NCAM2: variants seen among roughly 807,000 people sequenced by gnomAD.
The protein encoded by NCAM2 is neural cell adhesion molecule 2, also known as N-CAM-2.
NCAM2 carries 30 observed loss-of-function variants against 98.1 expected under a neutral mutation model. That is an observed-to-expected ratio of 0.31 (90% CI 0.23 to 0.41). The LOEUF (loss-of-function observed/expected upper bound fraction) is 0.41, where lower values mean the gene tolerates loss of function less well. Among genes scored for constraint, NCAM2 ranks in the 10% least tolerant of loss-of-function variants. The pLI is 1.00. For synonymous variants in NCAM2, 368 were observed against 342.4 expected, an observed-to-expected ratio of 1.07 and a Z score of -0.83; for missense variants, 867 against 1,005.8, an observed-to-expected ratio of 0.86 and a Z score of 1.87.
chr21:21,500,021 G>T (rs2041443376), intron 15 of NCAM2, among the ~76,000 whole-genome samples: 2 of 151,916 alleles, frequency 1.3e-5, no homozygotes, highest in Admixed American at 1.3e-4. Context: ...AATACTACCT[G>T]TTTATAATTT....
intron 1 of NCAM2, among the ~76,000 whole-genome samples, chr21:21,202,300 A>G (rs1198275609): frequency 6.6e-6 from 1 of 152,148 alleles, no homozygotes; most frequent in Non-Finnish European, 1.5e-5. Context: ...AAGAAATGTA[A>G]AGCACCTAAA....
intron 5 of NCAM2, among the ~76,000 whole-genome samples, chr21:21,299,561 TTC>T (rs904415551): frequency 1.1e-4 from 16 of 150,180 alleles, no homozygotes; most frequent in Non-Finnish European, 1.3e-4. Context: ...TAAAATGTGA[TTC>T]TCTCTCTCTC....
intron 12 of NCAM2, among the ~76,000 whole-genome samples, chr21:21,446,499 C>A (rs191445263): frequency 6.6e-6 from 1 of 151,970 alleles, no homozygotes; most frequent in Admixed American, 6.6e-5. Flanking sequence ...TTTACGTAGT[C>A]CCATATTCTG....
chr21:21,258,595 A>G (rs1368595451), intron 1 of NCAM2, among the ~76,000 whole-genome samples: 1 of 152,150 alleles, frequency 6.6e-6, no homozygotes, highest in African/African-American at 2.4e-5. Flanking sequence ...AAACACTGTC[A>G]GTGGCAGTAT....
At chr21:21,044,088 G>A (rs9979797) in intron 1 of NCAM2, among the ~76,000 whole-genome samples, 1,649 of 152,068 alleles carry the variant, frequency 0.011, 36 homozygotes, top group African/African-American at 0.037. Flanking sequence ...AATGAGAGCA[G>A]TTACTGCAAA....
At chr21:21,505,972 T>A (rs2146346984) in intron 15 of NCAM2, among the ~76,000 whole-genome samples, 1 of 152,032 alleles carries the variant, frequency 6.6e-6, no homozygotes, top group East Asian at 1.9e-4. Context: ...CCCCAAAAGC[T>A]AATGATGGTA....
In NCAM2 at chr21:21,202,408, C is replaced by CTTTTT. The variant is rs11385750; in HGVS notation, c.56-78151_56-78147dup. Among the ~76,000 whole-genome samples the CTTTTT allele has an allele frequency of 1.0e-3, 84 of 80,212 alleles. 5 individuals are homozygous for CTTTTT. Among genetic ancestry groups the CTTTTT allele is most frequent in the Non-Finnish European group, 1.3e-3 (63 of 46,912 alleles). The allele number at this position is 80,212 out of a possible 152,430, so 52.6% of individuals were successfully genotyped here. A position where few individuals can be genotyped will look rare whatever the true frequency, so the allele number is the denominator to read the frequency against. On this transcript the variant is annotated intron_variant, in intron 1 of 17. Coordinates refer to ENST00000400546, the MANE Select transcript of NCAM2 (RefSeq NM_004540.5). ...ATGCCTTGAATATAAAGCAAATATCCTTTTTTTTTTTTTTTTTTTTTTTCT... is the reference window on the plus strand; with the variant it reads ...ATGCCTTGAATATAAAGCAAATATCCTTTTTTTTTTTTTTTTTTTTTTTTTTTTCT...
At chr21:21,050,042 A>G (rs961497898) in intron 1 of NCAM2, among the ~76,000 whole-genome samples, 16 of 152,096 alleles carry the variant, frequency 1.1e-4, no homozygotes, top group African/African-American at 3.9e-4. Flanking sequence ...TATGCATCAG[A>G]TCAGGTGACT....
At chr21:21,409,236 A>T (rs1323629712) in intron 9 of NCAM2, among the ~76,000 whole-genome samples, 2 of 152,160 alleles carry the variant, frequency 1.3e-5, no homozygotes, top group Non-Finnish European at 2.9e-5. Flanking sequence ...GGGTGGAGGA[A>T]GAGTGAAAAC....
chr21:21,212,965 C>T (rs1353197208), intron 1 of NCAM2, among the ~76,000 whole-genome samples: 1 of 152,024 alleles, frequency 6.6e-6, no homozygotes. Flanking sequence ...TGGTCTCGAT[C>T]TCCTGACCTC....
At chr21:21,443,190 A>C (rs984232627) in intron 12 of NCAM2, among the ~76,000 whole-genome samples, 3 of 152,158 alleles carry the variant, frequency 2.0e-5, no homozygotes, top group African/African-American at 7.2e-5. Flanking sequence ...AAAACCAAAC[A>C]TTGCATGTTC....
At chr21:21,247,267 C>T (rs1293786006) in intron 1 of NCAM2, among the ~76,000 whole-genome samples, 4 of 152,004 alleles carry the variant, frequency 2.6e-5, no homozygotes, top group African/African-American at 7.2e-5. Flanking sequence ...TGCAGTGAGT[C>T]GAGATCTCGC....
intron 1 of NCAM2, among the ~76,000 whole-genome samples, chr21:21,242,757 A>T (rs1438572019): frequency 1.3e-5 from 2 of 152,166 alleles, no homozygotes; most frequent in Non-Finnish European, 2.9e-5. Flanking sequence ...GTTTGTTTCC[A>T]TATCTTAACT....
intron 1 of NCAM2, among the ~76,000 whole-genome samples, chr21:21,121,832 G>T (rs2066681807): frequency 6.6e-6 from 1 of 152,204 alleles, no homozygotes; most frequent in Non-Finnish European, 1.5e-5. Flanking sequence ...TTACGATTGG[G>T]TATATGATAA....
chr21:21,307,549 G>A (rs911710517), intron 5 of NCAM2, among the ~76,000 whole-genome samples: 2 of 152,136 alleles, frequency 1.3e-5, no homozygotes, highest in South Asian at 2.1e-4. Flanking sequence ...CCAGGGGTCA[G>A]CAAGACTATG....
intron 1 of NCAM2, among the ~76,000 whole-genome samples, chr21:21,265,298 C>T (rs553513273): frequency 1.5e-3 from 188 of 122,308 alleles, no homozygotes; most frequent in Middle Eastern, 0.01. Flanking sequence ...TGTATATATA[C>T]GTGTATACAT....
chr21:21,267,179 G>T (rs2072315264), intron 1 of NCAM2, among the ~76,000 whole-genome samples: 1 of 152,172 alleles, frequency 6.6e-6, no homozygotes, highest in East Asian at 1.9e-4. Flanking sequence ...TATCATACTA[G>T]TTAGACATAA....
intron 15 of NCAM2, among the ~76,000 whole-genome samples, chr21:21,488,316 T>A (rs920773713): frequency 5.3e-5 from 8 of 151,968 alleles, no homozygotes; most frequent in African/African-American, 1.9e-4. Context: ...AGAATACTCA[T>A]TCATTATGTT....
In NCAM2 at chr21:21,512,929, A is replaced by G. The variant is rs1007515589; in HGVS notation, c.2282+3874A>G. Among the ~76,000 whole-genome samples, 8 of 151,948 alleles carry G rather than the reference A, an allele frequency of 5.3e-5. No homozygotes were observed. The East Asian group carries it at 1.5e-3, about 29-fold the overall frequency. On this transcript the variant is annotated intron_variant, in intron 16 of 17. Transcript: ENST00000400546. Reference sequence around the variant, plus strand: ...AAATGTTACTGATTATTGTACGTTGATTTTTTATCCTGAAACATTACTGAA... The same window carrying G: ...AAATGTTACTGATTATTGTACGTTGGTTTTTTATCCTGAAACATTACTGAA...
Sources: allele counts gnomAD v4.1 joint callset (sites outside exome capture counted in the v4.1 genomes callset), GRCh38; gene constraint gnomAD v4.1.1; transcripts MANE v1.5; gene names NCBI Gene and HGNC (gene_info 2026-07-23, HGNC 2026-07-21).